The following ZSCAN2 variants were observed in gnomAD, a reference collection of about 807,000 sequenced individuals.
ZSCAN2 encodes zinc finger and SCAN domain-containing protein 2.
Under a neutral mutation model 47.8 loss-of-function variants are expected in ZSCAN2, and 26 were observed. The ratio of observed to expected loss-of-function variants is 0.54; its 90% CI spans 0.40 to 0.75. The LOEUF (loss-of-function observed/expected upper bound fraction) is 0.75, where lower values mean the gene tolerates loss of function less well. Among genes scored for constraint, ZSCAN2 ranks in the 30% least tolerant of loss-of-function variants. ZSCAN2 has a pLI of 0.00. For synonymous variants in ZSCAN2, 305 were observed against 288.7 expected, an observed-to-expected ratio of 1.06 and a Z score of -0.57; for missense variants, 732 against 785.4, an observed-to-expected ratio of 0.93 and a Z score of 0.81.
chr15:84,602,981 T>G (rs2141754343), intron 1 of ZSCAN2, among the ~76,000 whole-genome samples: 1 of 152,304 alleles, frequency 6.6e-6, no homozygotes, highest in African/African-American at 2.4e-5. Flanking sequence ...TTTTGGTTAT[T>G]TTTTTAAGAT....
chr15:84,606,118 T>A (rs2141763123), intron 2 of ZSCAN2, among the ~76,000 whole-genome samples: 1 of 152,310 alleles, frequency 6.6e-6, no homozygotes, highest in South Asian at 2.1e-4. Flanking sequence ...GCATCTGGCC[T>A]GGAGGATTCA....
chr15:84,609,741 C>T (rs1471613174), intron 2 of ZSCAN2, among the ~76,000 whole-genome samples: 3 of 152,176 alleles, frequency 2.0e-5, no homozygotes, highest in Non-Finnish European at 4.4e-5. Context: ...TGGGCATACC[C>T]TATATCAGAA....
chr15:84,612,877 C>T lies in ZSCAN2; in HGVS notation c.407-7725C>T, dbSNP rs1298660890. Among the ~76,000 whole-genome samples, 4 of 152,050 alleles carry T rather than the reference C, an allele frequency of 2.6e-5. No homozygotes were observed. In the East Asian group the frequency reaches 7.7e-4, roughly 29 times the overall value. On this transcript the variant is annotated intron_variant, in intron 2 of 2. Coordinates refer to ENST00000546148, the MANE Select transcript of ZSCAN2 (RefSeq NM_181877.4). ...GACTTGACATTTAAAAGAAGATAGC[C>T]CCATAAATTAAGTATCGCACTTAAA...
chr15:84,616,507 T>C, intron 2 of ZSCAN2: 2 of 1,379,908 alleles, frequency 1.4e-6, no homozygotes, highest in Non-Finnish European at 1.9e-6. Context: ...TCCTTCCTCA[T>C]TGCTTTTACC....
At chr15:84,603,118 C>T (rs1895260989) in intron 1 of ZSCAN2, among the ~76,000 whole-genome samples, 1 of 152,148 alleles carries the variant, frequency 6.6e-6, no homozygotes, top group Non-Finnish European at 1.5e-5. Context: ...GCTTTGACAT[C>T]TGATCCATTG....
In ZSCAN2 at chr15:84,603,993, G is replaced by A. The variant is rs1360752215; in HGVS notation, c.66G>A (p.Glu22=). ...PLSSLVQVPQ[E]EDRQEEEVTT... ...GCTCCTTGGTCCAGGTGCCTCAAGA[G>A]GAAGATAGACAGGAGGAGGAGGTCA... Residue 22 remains glutamate, a synonymous_variant, in exon 2 of 3, where the codon GAG becomes GAA. Transcript: ENST00000546148. 6.2e-7 allele frequency: 1 copy of A among 1,614,072 alleles called. No homozygotes were observed.
intron 2 of ZSCAN2, among the ~76,000 whole-genome samples, chr15:84,612,922 A>C (rs572026213): frequency 4.6e-5 from 7 of 152,340 alleles, no homozygotes; most frequent in African/African-American, 1.7e-4. Context: ...ATTTTAAAGA[A>C]ATTCTTTCAT....
rs2141754112 is a variant in ZSCAN2 at position 84,602,842 on chromosome 15, G to C, written c.-108-978G>C. Among the ~76,000 whole-genome samples the C allele has an allele frequency of 3.3e-5, 5 of 152,138 alleles. No homozygotes were observed. The South Asian group carries it at 1.0e-3, about 32-fold the overall frequency. Reference sequence around the variant, plus strand: ...GACCTCAAGTGATCCGCCTGCCGAGGCCTCCCAAAGTGCTGGGATTACAGG... The same window carrying C: ...GACCTCAAGTGATCCGCCTGCCGAGCCCTCCCAAAGTGCTGGGATTACAGG... On this transcript the variant is annotated intron_variant, in intron 1 of 2. Transcript: ENST00000546148.
chr15:84,614,156 A>G (rs1895632648), intron 2 of ZSCAN2, among the ~76,000 whole-genome samples: 1 of 145,010 alleles, frequency 6.9e-6, no homozygotes, highest in African/African-American at 2.5e-5. Flanking sequence ...ACACCCGGCT[A>G]ATTCTGTTTT....
rs147380194 is a variant in ZSCAN2, at chr15:84,610,340, A to G, written c.406+6007A>G. The stretch of plus-strand genomic sequence containing the variant: ...ATGACATGTGAGAGAATATTTTTGT[A>G]ATCTTAGCATGCGGGAAGGACTTTC... On this transcript the variant is annotated intron_variant, in intron 2 of 2. Coordinates refer to ENST00000546148, the MANE Select transcript of ZSCAN2 (RefSeq NM_181877.4). Among the ~76,000 whole-genome samples, 648 of 152,338 alleles carry G rather than the reference A, an allele frequency of 4.3e-3. 10 individuals carry two copies. Among genetic ancestry groups the G allele is most frequent in the African/African-American group, 0.015 (614 of 41,570 alleles).
chr15:84,607,729 G>A (rs1315602561), intron 2 of ZSCAN2, among the ~76,000 whole-genome samples: 7 of 151,908 alleles, frequency 4.6e-5, no homozygotes, highest in African/African-American at 1.5e-4. Context: ...GACTGGTCTC[G>A]AACTCCTGAC....
Position 84,622,301 on chromosome 15 carries a change from C to T in ZSCAN2, c.*261C>T. The stretch of plus-strand genomic sequence containing the variant: ...CCCTTACATTGGGTGACTTGATTGG[C>T]CCCCTCTCATGATTCCTCTGTGCCT... On this transcript the variant is annotated 3_prime_UTR_variant, in exon 3 of 3. Coordinates refer to ENST00000546148, the MANE Select transcript of ZSCAN2 (RefSeq NM_181877.4). The T allele has an allele frequency of 1.7e-6, 1 of 571,568 alleles. No homozygotes were observed. Among genetic ancestry groups the T allele is most frequent in the Non-Finnish European group, 3.2e-6 (1 of 316,604 alleles). 35.4% of individuals were successfully genotyped at this position (571,568 alleles called of 1,614,324 possible).
intron 2 of ZSCAN2, among the ~76,000 whole-genome samples, chr15:84,615,764 T>C (rs1440591018): frequency 6.6e-6 from 1 of 152,186 alleles, no homozygotes; most frequent in Non-Finnish European, 1.5e-5. Context: ...GCGCTCCTTT[T>C]CCTGTTGTCT....
chr15:84,607,163 A>G (rs897179861), intron 2 of ZSCAN2, among the ~76,000 whole-genome samples: 1 of 152,154 alleles, frequency 6.6e-6, no homozygotes, highest in African/African-American at 2.4e-5. Context: ...GACTGTTTCC[A>G]GAGGACATTT....
At chr15:84,607,047 T>C (rs188924566) in intron 2 of ZSCAN2, among the ~76,000 whole-genome samples, 37 of 152,256 alleles carry the variant, frequency 2.4e-4, no homozygotes, top group Admixed American at 2.4e-3. Context: ...GGTTTAATGT[T>C]TTTCTGACAG....
Position 84,620,701 on chromosome 15 carries a change from C to G in ZSCAN2, c.506C>G (p.Ala169Gly), listed in dbSNP as rs778575791. The part of the protein sequence containing the change: ...IFSEMPEGES[A>G]QHSDGESDFE... ...TCGGAAATGCCTGAAGGTGAAAGTG[C>G]TCAGCACTCCGATGGGGAAAGTGAC... The change falls in exon 3 of 3, where the codon GCT becomes GGT. Residue 169 changes from alanine (A) to glycine (G), a missense_variant. Ala to Gly is a moderately conservative substitution (Grantham distance 60, BLOSUM62 0). Around this residue, in one of 2 missense-constraint regions of ZSCAN2, gnomAD observed 320 missense variants for 287.4 expected, o/e 1.11. Transcript: ENST00000546148. The G allele has an allele frequency of 8.1e-6, 13 of 1,614,096 alleles. No homozygotes were observed. The East Asian group carries it at 2.9e-4, about 36-fold the overall frequency.
chr15:84,616,285 G>T, intron 2 of ZSCAN2: 1 of 1,122,078 alleles, frequency 8.9e-7, no homozygotes, highest in Non-Finnish European at 1.4e-6. Flanking sequence ...TGGGTCAAAG[G>T]CTCTTTCCTT....
At position 84,604,181 on chromosome 15, in the gene ZSCAN2, G is replaced by A. The variant is rs748156169; in HGVS notation, c.254G>A (p.Arg85Gln). The change falls in exon 2 of 3, where the codon CGG (arginine) becomes CAG (glutamine). Residue 85 changes from arginine (R) to glutamine (Q), a missense_variant. This residue lies in a region of ZSCAN2 where 320 missense variants were observed against 287.4 expected (regional missense o/e 1.11). Transcript: ENST00000546148. ...CTCGGCCGCCTCCGAGAGCTCTGCC[G>A]GCGCTGGCTGAGACCAGAGGTACAC... Reference protein sequence around the residue: ...GALGRLRELCRRWLRPEVHTK... With the variant: ...GALGRLRELCQRWLRPEVHTK... 3 of 1,613,660 alleles carry A rather than the reference G, an allele frequency of 1.9e-6. No homozygotes were observed. Among genetic ancestry groups the A allele is most frequent in the Non-Finnish European group, 2.5e-6 (3 of 1,179,834 alleles).
At chr15:84,606,783 A>C (rs531251012) in intron 2 of ZSCAN2, 1 of 1,349,578 alleles carries the variant, frequency 7.4e-7, no homozygotes, top group African/African-American at 1.5e-5. Flanking sequence ...ATGGGAACCA[A>C]TGGGGACCAT....
Sources: allele counts gnomAD v4.1 joint callset (sites outside exome capture counted in the v4.1 genomes callset), GRCh38; gene constraint gnomAD v4.1.1; regional missense constraint gnomAD v4.1.1; transcripts MANE v1.5; gene names NCBI Gene and HGNC (gene_info 2026-07-23, HGNC 2026-07-21).